Variants in INPP5A observed in about 807,000 individuals in gnomAD.
The protein encoded by INPP5A is inositol polyphosphate-5-phosphatase A, also known as 43 kDa inositol polyphosphate 5-phophatase.
A neutral mutation model predicts 65.2 loss-of-function variants in INPP5A; 14 were observed. The observed-to-expected ratio is 0.21, with a 90% CI of 0.14 to 0.34. The LOEUF (loss-of-function observed/expected upper bound fraction) is 0.34, where lower values mean the gene tolerates loss of function less well. Among genes scored for constraint, INPP5A ranks in the 10% least tolerant of loss-of-function variants. The pLI is 1.00. For synonymous variants in INPP5A, 207 were observed against 208.3 expected (o/e 0.99, Z 0.05); for missense variants, 431 against 545.6 (o/e 0.79, Z 2.09).
In INPP5A at chr10:132,782,597, T is replaced by C. The variant is rs1847186607; in HGVS notation, c.*568T>C. 1 of 148,240 alleles carries C rather than the reference T, an allele frequency of 6.7e-6. No individual in the cohort carries two copies. Among genetic ancestry groups the C allele is most frequent in the Admixed American group, 6.7e-5 (1 of 14,872 alleles). The allele number at this position is 148,240 out of a possible 1,614,324, so 9.2% of individuals were successfully genotyped here. A position where few individuals can be genotyped will look rare whatever the true frequency, so the allele number is the denominator to read the frequency against. On this transcript the variant is annotated 3_prime_UTR_variant, in exon 16 of 16. Transcript: ENST00000368594. This position sits in a 1 kb window ranked among gnomAD's most constrained non-coding sequence, Gnocchi z 4.4. ...ACTGCAGCTGCTTTCCATTTTTATA[T>C]ATATATAAATATATATAAATATATA... is the stretch of plus-strand genomic sequence containing the variant.
chr10:132,769,208 T>C (rs1565010142), intron 12 of INPP5A, among the ~76,000 whole-genome samples: 3 of 152,286 alleles, frequency 2.0e-5, no homozygotes, highest in Non-Finnish European at 4.4e-5. Flanking sequence ...AACTGAATGC[T>C]GTCTGTCATT....
chr10:132,671,417 T>C (rs958545875), intron 4 of INPP5A, among the ~76,000 whole-genome samples: 57 of 134,590 alleles, frequency 4.2e-4, no homozygotes, highest in South Asian at 9.1e-4. Flanking sequence ...CCTCCCTGCT[T>C]CGGACTCCGC....
chr10:132,724,557 C>T (rs748654846), intron 8 of INPP5A, among the ~76,000 whole-genome samples: 6 of 151,716 alleles, frequency 4.0e-5, no homozygotes, highest in Admixed American at 1.3e-4. Flanking sequence ...TCACCACAGA[C>T]GGGGGTTACT....
chr10:132,752,481 G>T (rs1292264292), intron 11 of INPP5A, among the ~76,000 whole-genome samples: 1 of 142,512 alleles, frequency 7.0e-6, no homozygotes, highest in African/African-American at 2.6e-5. Context: ...ATGGAGAGGG[G>T]TGCAGAGTGG....
chr10:132,629,781 A>T (rs12414417), intron 2 of INPP5A, among the ~76,000 whole-genome samples: 3,337 of 152,278 alleles, frequency 0.022, 195 homozygotes, highest in Admixed American at 0.14. Flanking sequence ...TCCTCCAGGG[A>T]AGGCATCCAT....
In INPP5A at chr10:132,549,820, G is replaced by A. The variant is rs184826006; in HGVS notation, c.75+11649G>A. Among the ~76,000 whole-genome samples, 255 of 152,348 alleles carry A rather than the reference G, an allele frequency of 1.7e-3. 1 individual carries two copies. Among genetic ancestry groups the A allele is most frequent in the South Asian group, 4.8e-3 (23 of 4,830 alleles). On this transcript the variant is annotated intron_variant, in intron 1 of 15. Coordinates refer to ENST00000368594, the MANE Select transcript of INPP5A (RefSeq NM_005539.5). The surrounding 1 kb of genome is among the most constrained non-coding windows in gnomAD (Gnocchi z 4.9). ...GTTGGTGTGTCTCTGTTACAGGATT[G>A]GTGTGACGTCTGAGTCACTGTGCCT...
Position 132,650,773 on chromosome 10 carries a change from G to A in INPP5A, c.306+268G>A, listed in dbSNP as rs2072566177. On this transcript the variant is annotated intron_variant, in intron 4 of 15. Coordinates refer to ENST00000368594, the MANE Select transcript of INPP5A (RefSeq NM_005539.5). The surrounding 1 kb of genome is among the most constrained non-coding windows in gnomAD (Gnocchi z 5.5). ...AGGGAATTGGGGAGTGACAGGTGGG[G>A]AGAGGCCCAGGGCCTCAGCGTGCAT... Among the ~76,000 whole-genome samples the A allele has an allele frequency of 6.6e-6, 1 of 152,162 alleles. No individual in the cohort carries two copies. Among genetic ancestry groups the A allele is most frequent in the Admixed American group, 6.5e-5 (1 of 15,274 alleles).
chr10:132,705,464 A>C lies in INPP5A; in HGVS notation c.475-2849A>C, dbSNP rs940442697. 5.9e-5 allele frequency among the ~76,000 whole-genome samples: 9 copies of C among 152,220 alleles called. No homozygotes were observed. The highest frequency in any genetic ancestry group is 1.3e-4 in the Non-Finnish European group (9 of 68,034). Reference sequence around the variant, plus strand: ...GCAAGCAGGGCAGCCTGAGCACAGCAGGGGATGTGGGCTCAGTACCAGAGC... The same window carrying C: ...GCAAGCAGGGCAGCCTGAGCACAGCCGGGGATGTGGGCTCAGTACCAGAGC... On this transcript the variant is annotated intron_variant, in intron 6 of 15. Coordinates refer to ENST00000368594, the MANE Select transcript of INPP5A (RefSeq NM_005539.5). The surrounding 1 kb of genome is among the most constrained non-coding windows in gnomAD (Gnocchi z 4.9).
In INPP5A at chr10:132,676,580, G is replaced by C. The variant is rs113592729; in HGVS notation, c.307-13812G>C. ...CACAAGCAGGTGACTGTGTGGGACA[G>C]GGCTGCCCAAACCGCCGCTGGCCTA... On this transcript the variant is annotated intron_variant, in intron 4 of 15. Coordinates refer to ENST00000368594, the MANE Select transcript of INPP5A (RefSeq NM_005539.5). This position sits in a 1 kb window ranked among gnomAD's most constrained non-coding sequence, Gnocchi z 4.0. Among the ~76,000 whole-genome samples the C allele has an allele frequency of 6.6e-6, 1 of 152,164 alleles. No individual in the cohort carries two copies. Among genetic ancestry groups the C allele is most frequent in the African/African-American group, 2.4e-5 (1 of 41,436 alleles).
At chr10:132,736,605 T>C (rs2134607079) in intron 9 of INPP5A, among the ~76,000 whole-genome samples, 2 of 152,234 alleles carry the variant, frequency 1.3e-5, no homozygotes, top group South Asian at 4.1e-4. Flanking sequence ...CGAGGCAGGA[T>C]CCCAGCACCT....
rs1156859918 is a variant in INPP5A, at chr10:132,706,943, C to T, written c.475-1370C>T. 6.6e-6 allele frequency among the ~76,000 whole-genome samples: 1 copy of T among 152,184 alleles called. No individual in the cohort carries two copies. The highest frequency in any genetic ancestry group is 1.5e-5 in the Non-Finnish European group (1 of 68,036). ...GTTTGCCTGTGGAGGCTGTGGTGAC[C>T]TTGCAGAGAGCATTTGGGCAGCTGT... is the stretch of plus-strand genomic sequence containing the variant. On this transcript the variant is annotated intron_variant, in intron 6 of 15. Transcript: ENST00000368594. The surrounding 1 kb of genome is among the most constrained non-coding windows in gnomAD (Gnocchi z 4.7).
intron 11 of INPP5A, among the ~76,000 whole-genome samples, chr10:132,756,262 TGTG>T (rs1846610590): frequency 6.6e-6 from 1 of 152,076 alleles, no homozygotes; most frequent in African/African-American, 2.4e-5. Context: ...CACTCACGTG[TGTG>T]GTGTGTACGC....
At chr10:132,768,412 C>A (rs1846891397) in intron 12 of INPP5A, among the ~76,000 whole-genome samples, 1 of 152,210 alleles carries the variant, frequency 6.6e-6, no homozygotes, top group Non-Finnish European at 1.5e-5. Context: ...ATCCATGGAC[C>A]CCGACCCTCA....
chr10:132,647,406 C>A (rs2072512157), intron 3 of INPP5A, among the ~76,000 whole-genome samples: 1 of 152,188 alleles, frequency 6.6e-6, no homozygotes, highest in Non-Finnish European at 1.5e-5. Context: ...GCATGAACCA[C>A]CATGCCTGGC....
chr10:132,588,584 G>A (rs1184821404), intron 1 of INPP5A, among the ~76,000 whole-genome samples: 2 of 152,368 alleles, frequency 1.3e-5, no homozygotes, highest in African/African-American at 4.8e-5. Context: ...CAGCAGCACG[G>A]CCCTGGGTTC....
At chr10:132,662,358 A>C (rs1274806816) in intron 4 of INPP5A, among the ~76,000 whole-genome samples, 1 of 152,220 alleles carries the variant, frequency 6.6e-6, no homozygotes, top group East Asian at 1.9e-4. Flanking sequence ...TAGCAGCTTT[A>C]TTCAGAATAG....
At chr10:132,680,423 T>C (rs1338815414) in intron 4 of INPP5A, among the ~76,000 whole-genome samples, 1 of 152,254 alleles carries the variant, frequency 6.6e-6, no homozygotes, top group Non-Finnish European at 1.5e-5. Flanking sequence ...TTAAAAGGAC[T>C]TGCAAAATAC....
intron 9 of INPP5A, among the ~76,000 whole-genome samples, chr10:132,733,881 C>T (rs1019129455): frequency 2.6e-5 from 4 of 152,272 alleles, no homozygotes; most frequent in Non-Finnish European, 5.9e-5. Flanking sequence ...TTTCCTTCCA[C>T]ATGAAGCTTT....
At chr10:132,590,967 C>A (rs894658957) in intron 1 of INPP5A, among the ~76,000 whole-genome samples, 2 of 152,186 alleles carry the variant, frequency 1.3e-5, no homozygotes, top group Non-Finnish European at 2.9e-5. Flanking sequence ...GCTTCTTGTG[C>A]CATCAGCTCT....
Sources: allele counts gnomAD v4.1 joint callset (sites outside exome capture counted in the v4.1 genomes callset), GRCh38; gene constraint gnomAD v4.1.1; non-coding constraint Gnocchi (gnomAD v3.1); transcripts MANE v1.5; gene names NCBI Gene and HGNC (gene_info 2026-07-23, HGNC 2026-07-21).